SLC25A21: variants seen among roughly 807,000 people sequenced by gnomAD.
The protein encoded by SLC25A21 is solute carrier family 25 member 21.
A neutral mutation model predicts 43.8 loss-of-function variants in SLC25A21; 47 were observed. That is an observed-to-expected ratio of 1.07 (90% confidence interval 0.85 to 1.37). The LOEUF (loss-of-function observed/expected upper bound fraction) is 1.37, where lower values mean the gene tolerates loss of function less well. Ranked by LOEUF, SLC25A21 falls within the 40% of genes most tolerant of loss-of-function variation. SLC25A21 has a pLI of 0.00. For missense variants in SLC25A21, 352 were observed against 350.2 expected (o/e 1.00, Z -0.04); for synonymous variants, 131 against 121.3 (o/e 1.08, Z -0.52).
chr14:36,711,259 C>G, intron 7 of SLC25A21, 59 bp downstream of exon 7: 1 of 1,483,818 alleles, frequency 6.7e-7, no homozygotes, highest in Non-Finnish European at 9.3e-7. Context: ...ATTCTACAAA[C>G]GGAGCTATCA....
intron 1 of SLC25A21, among the ~76,000 whole-genome samples, chr14:37,156,364 G>A (rs1010967061): frequency 6.6e-6 from 1 of 151,680 alleles, no homozygotes; most frequent in African/African-American, 2.4e-5. Context: ...GGAACAAAGA[G>A]TATACAAAGC....
chr14:36,998,640 A>G (rs1415964140), intron 1 of SLC25A21, among the ~76,000 whole-genome samples: 2 of 152,072 alleles, frequency 1.3e-5, no homozygotes, highest in African/African-American at 4.8e-5. Flanking sequence ...GACAAAGAAG[A>G]GCCTATTCAC....
chr14:36,980,146 TAACCCG>T (rs1959985339), intron 1 of SLC25A21, among the ~76,000 whole-genome samples: 1 of 152,250 alleles, frequency 6.6e-6, no homozygotes, highest in African/African-American at 2.4e-5. Flanking sequence ...CCTTTGTGGG[TAACCCG>T]ACCTTTCTCT....
At chr14:36,844,799 TAA>T (rs1434934319) in intron 2 of SLC25A21, among the ~76,000 whole-genome samples, 1 of 152,166 alleles carries the variant, frequency 6.6e-6, no homozygotes, top group Non-Finnish European at 1.5e-5. Context: ...AGCTCAGTAA[TAA>T]AGTTTAATGA....
chr14:36,830,602 G>T (rs1234359486), intron 2 of SLC25A21, among the ~76,000 whole-genome samples: 1 of 152,062 alleles, frequency 6.6e-6, no homozygotes, highest in Non-Finnish European at 1.5e-5. Flanking sequence ...CAAAGTGGAA[G>T]AAAATATCTA....
At chr14:36,923,729 C>T (rs1330091474) in intron 1 of SLC25A21, among the ~76,000 whole-genome samples, 2 of 152,050 alleles carry the variant, frequency 1.3e-5, no homozygotes, top group African/African-American at 2.4e-5. Context: ...CAACCAACTG[C>T]AGAGCAAAAA....
intron 1 of SLC25A21, among the ~76,000 whole-genome samples, chr14:37,093,003 T>C (rs1962618926): frequency 6.6e-6 from 1 of 152,114 alleles, no homozygotes; most frequent in Non-Finnish European, 1.5e-5. Flanking sequence ...AATGCTCTAC[T>C]TCCTGCTATC....
chr14:37,008,520 T>C (rs952046439), intron 1 of SLC25A21, among the ~76,000 whole-genome samples: 2 of 152,130 alleles, frequency 1.3e-5, no homozygotes, highest in Non-Finnish European at 2.9e-5. Context: ...CAAAGGTACC[T>C]CCTCTATAAT....
In SLC25A21 at chr14:37,170,061, G is replaced by A. The variant is rs569682978; in HGVS notation, c.70+2220C>T. On this transcript the variant is annotated intron_variant, in intron 1 of 9. Coordinates refer to ENST00000331299, the MANE Select transcript of SLC25A21 (RefSeq NM_030631.4). Reference sequence around the variant, plus strand: ...TGATCTACTTTTTTTTTTTGAGACCGAGTCTCGCTCTGTCGCCAGGTTGGA... The same window carrying A: ...TGATCTACTTTTTTTTTTTGAGACCAAGTCTCGCTCTGTCGCCAGGTTGGA... 2.6e-5 allele frequency among the ~76,000 whole-genome samples: 4 copies of A among 151,186 alleles called. No homozygotes were observed. In the South Asian group the frequency reaches 6.3e-4, roughly 24 times the overall value.
chr14:36,849,805 T>C (rs373192037), intron 2 of SLC25A21, among the ~76,000 whole-genome samples: 2 of 152,206 alleles, frequency 1.3e-5, no homozygotes, highest in Non-Finnish European at 2.9e-5. Context: ...GAACCTCTCA[T>C]CTTGCTCACT....
intron 1 of SLC25A21, among the ~76,000 whole-genome samples, chr14:36,986,154 A>G (rs913835289): frequency 6.6e-6 from 1 of 152,200 alleles, no homozygotes; most frequent in African/African-American, 2.4e-5. Context: ...GGACAAAGCA[A>G]TAAAACATAT....
intron 7 of SLC25A21, among the ~76,000 whole-genome samples, chr14:36,705,773 T>C (rs575993385): frequency 6.6e-6 from 1 of 152,238 alleles, no homozygotes; most frequent in East Asian, 1.9e-4. Flanking sequence ...CCAGTCAGAG[T>C]GCGTGAAATC....
chr14:36,919,008 A>G (rs1891905216), intron 1 of SLC25A21, among the ~76,000 whole-genome samples: 1 of 152,084 alleles, frequency 6.6e-6, no homozygotes, highest in Non-Finnish European at 1.5e-5. Flanking sequence ...ATAGAGATAG[A>G]GTCCAGCCAC....
chr14:36,961,555 T>C (rs1477002280), intron 1 of SLC25A21, among the ~76,000 whole-genome samples: 1 of 152,120 alleles, frequency 6.6e-6, no homozygotes, highest in Non-Finnish European at 1.5e-5. Flanking sequence ...ACTTGTCACT[T>C]TGGCTCCAGG....
At chr14:36,825,810 A>C (rs1888809641) in intron 2 of SLC25A21, among the ~76,000 whole-genome samples, 2 of 152,192 alleles carry the variant, frequency 1.3e-5, no homozygotes. Context: ...TTAGAAATCT[A>C]CAGTGAATAC....
rs543998969 is a variant in SLC25A21 at position 36,813,871 on chromosome 14, T to C, written c.203+47A>G. The C allele has an allele frequency of 4.7e-5, 62 of 1,323,946 alleles. No individual in the cohort carries two copies. The South Asian group carries it at 7.3e-4, about 16-fold the overall frequency. The allele number at this position is 1,323,946 out of a possible 1,614,324, so 82.0% of individuals were successfully genotyped here. A position where few individuals can be genotyped will look rare whatever the true frequency, so the allele number is the denominator to read the frequency against. ...ATAAACCATTCGAAATGAGAAAACA[T>C]GTTAAGTAGAAACATATTAAAATGG... On this transcript the variant is annotated intron_variant, in intron 3 of 9. Coordinates refer to ENST00000331299, the MANE Select transcript of SLC25A21 (RefSeq NM_030631.4).
At chr14:37,075,844 A>G (rs1962269335) in intron 1 of SLC25A21, among the ~76,000 whole-genome samples, 1 of 152,218 alleles carries the variant, frequency 6.6e-6, no homozygotes, top group African/African-American at 2.4e-5. Flanking sequence ...CTCGTTCCAT[A>G]TTTTAACAGC....
intron 1 of SLC25A21, among the ~76,000 whole-genome samples, chr14:37,066,756 GGA>G (rs752544508): frequency 3.3e-5 from 5 of 151,782 alleles, no homozygotes; most frequent in African/African-American, 9.7e-5. Context: ...ATATACACAT[GGA>G]GAGAGAGAGA....
intron 1 of SLC25A21, among the ~76,000 whole-genome samples, chr14:37,145,476 C>CACACACACAG (rs780734735): frequency 2.6e-4 from 38 of 143,674 alleles, no homozygotes; most frequent in African/African-American, 5.8e-4. Flanking sequence ...CACACACACA[C>CACACACACAG]AGAGAGATGA....
Sources: gnomAD v4.1 joint callset for allele counts (sites outside exome capture counted in the v4.1 genomes callset) on GRCh38, gnomAD v4.1.1 for gene constraint, MANE v1.5 for transcripts, NCBI Gene and HGNC (gene_info 2026-07-23, HGNC 2026-07-21) for gene names.